TMCO5A: variants seen among roughly 807,000 people sequenced by gnomAD.
The protein encoded by TMCO5A is transmembrane and coiled-coil domains 5A.
A neutral mutation model predicts 42.3 loss-of-function variants in TMCO5A; 34 were observed. The ratio of observed to expected loss-of-function variants is 0.80; its 90% CI spans 0.61 to 1.07. The LOEUF (loss-of-function observed/expected upper bound fraction) is 1.07. Ranked by LOEUF, TMCO5A falls within the 50% of genes least tolerant of loss-of-function variation. The pLI is 0.00. For synonymous variants in TMCO5A, 131 were observed against 115.6 expected (o/e 1.13, Z -0.86); for missense variants, 357 against 327.9 (o/e 1.09, Z -0.69).
At chr15:37,997,877 T>C in the TMCO5A span, among the ~76,000 whole-genome samples, 4,791 of 152,310 alleles carry the variant, frequency 0.031, 245 homozygotes, top group African/African-American at 0.11. Context: ...GCATTTGTTA[T>C]TGTCTGTCAT....
At chr15:37,973,373 G>A in the TMCO5A span, among the ~76,000 whole-genome samples, 50 of 152,126 alleles carry the variant, frequency 3.3e-4, no homozygotes, top group Admixed American at 3.3e-3. Flanking sequence ...TCTATAAATT[G>A]CTTTGGTCAG....
At chr15:37,991,476 T>C in the TMCO5A span, among the ~76,000 whole-genome samples, 3 of 152,144 alleles carry the variant, frequency 2.0e-5, no homozygotes, top group Admixed American at 2.0e-4. Context: ...TTGATAAATG[T>C]TTACATTTAT....
At chr15:38,015,774 C>T in the TMCO5A span, among the ~76,000 whole-genome samples, 1 of 152,080 alleles carries the variant, frequency 6.6e-6, no homozygotes, top group South Asian at 2.1e-4. Context: ...GAGGAATCTT[C>T]AACATATATT....
At chr15:37,944,710 C>T (rs1438633430) in intron 10 of TMCO5A, among the ~76,000 whole-genome samples, 4 of 152,078 alleles carry the variant, frequency 2.6e-5, no homozygotes, top group Non-Finnish European at 2.9e-5. Context: ...GCTAGGACTA[C>T]AGGCACCCAC....
At chr15:38,024,661 T>G in the TMCO5A span, 1 of 152,228 alleles carries the variant, frequency 6.6e-6, no homozygotes, top group South Asian at 2.1e-4. Context: ...CTTCAATGTT[T>G]CCCCTCTTTC....
chr15:37,983,165 A>G, the TMCO5A span, among the ~76,000 whole-genome samples: 1 of 152,166 alleles, frequency 6.6e-6, no homozygotes, highest in African/African-American at 2.4e-5. Context: ...TGTGCTTGCC[A>G]TGACACTCAC....
At chr15:37,981,518 T>G in the TMCO5A span, among the ~76,000 whole-genome samples, 1 of 152,134 alleles carries the variant, frequency 6.6e-6, no homozygotes, top group African/African-American at 2.4e-5. Flanking sequence ...AAATCATTGC[T>G]TTAAAAAAAC....
chr15:38,038,110 A>C, the TMCO5A span, among the ~76,000 whole-genome samples: 1 of 152,210 alleles, frequency 6.6e-6, no homozygotes, highest in Admixed American at 6.5e-5. Context: ...TATTTGCTCC[A>C]TCAGAGTGTA....
the TMCO5A span, among the ~76,000 whole-genome samples, chr15:37,980,198 T>G: frequency 1.8e-4 from 27 of 151,274 alleles, no homozygotes; most frequent in African/African-American, 4.9e-4. Context: ...TGGGGTGCAG[T>G]GGAGGTAAGG....
At chr15:37,982,480 GTATTATATATTATCTATATATAATAGA>G in the TMCO5A span, among the ~76,000 whole-genome samples, 309 of 79,598 alleles carry the variant, frequency 3.9e-3, 1 homozygote, top group Middle Eastern at 0.045. Context: ...GATATTTTAT[GTATTATATATTATCTATATATAATAGA>G]TATTATATAT....
chr15:38,009,336 A>C, the TMCO5A span, among the ~76,000 whole-genome samples: 1 of 152,234 alleles, frequency 6.6e-6, no homozygotes, highest in Admixed American at 6.5e-5. Context: ...TTTGCACAAA[A>C]GAGCACAGCT....
chr15:37,991,575 T>C, the TMCO5A span, among the ~76,000 whole-genome samples: 1 of 152,136 alleles, frequency 6.6e-6, no homozygotes, highest in African/African-American at 2.4e-5. Context: ...TTCCGCAACA[T>C]GTATGCTGGT....
downstream of TMCO5A, among the ~76,000 whole-genome samples, chr15:37,952,415 G>T (rs1211382239): frequency 6.6e-6 from 1 of 152,066 alleles, no homozygotes; most frequent in African/African-American, 2.4e-5. Flanking sequence ...TCAGAGTCAT[G>T]AGGCCCCCTT....
chr15:37,963,048 C>A (rs551250221), intron 11 of TMCO5A, among the ~76,000 whole-genome samples: 1 of 152,006 alleles, frequency 6.6e-6, no homozygotes, highest in African/African-American at 2.4e-5. Flanking sequence ...GTTTCAATTA[C>A]ATTTAGTTCT....
At chr15:37,996,869 A>G in the TMCO5A span, among the ~76,000 whole-genome samples, 8 of 152,102 alleles carry the variant, frequency 5.3e-5, no homozygotes, top group South Asian at 1.7e-3. Flanking sequence ...ATTACACCCA[A>G]ACATCCCCCT....
At chr15:38,009,075 C>T in the TMCO5A span, among the ~76,000 whole-genome samples, 18 of 152,054 alleles carry the variant, frequency 1.2e-4, no homozygotes, top group Admixed American at 7.2e-4. Context: ...TTTAGACTAC[C>T]GGGTCATATG....
the TMCO5A span, among the ~76,000 whole-genome samples, chr15:38,029,888 G>GT: frequency 6.6e-6 from 1 of 152,180 alleles, no homozygotes; most frequent in Admixed American, 6.5e-5. Context: ...ATGCAGTGGG[G>GT]TTTTTTGGCA....
chr15:37,941,075 C>A, intron 6 of TMCO5A, 74 bp from the exon 7 acceptor site: 1 of 1,465,954 alleles, frequency 6.8e-7, no homozygotes, highest in Non-Finnish European at 9.5e-7. Context: ...CTCGTGAGGC[C>A]ACCTTGGTGA....
intron 11 of TMCO5A, among the ~76,000 whole-genome samples, chr15:37,961,132 G>A (rs570903006): frequency 2.6e-5 from 4 of 152,118 alleles, no homozygotes; most frequent in East Asian, 3.9e-4. Flanking sequence ...ATGCCTAAAA[G>A]GGGTTTTCCA....
Sources: allele counts gnomAD v4.1 joint callset (sites outside exome capture counted in the v4.1 genomes callset), GRCh38; gene constraint gnomAD v4.1.1; transcripts MANE v1.5; gene names NCBI Gene and HGNC (gene_info 2026-07-23, HGNC 2026-07-21).